NACAD: variants seen among roughly 807,000 people sequenced by gnomAD.
NACAD encodes NAC-alpha domain-containing protein 1.
NACAD carries 47 observed loss-of-function variants against 98.9 expected under a neutral mutation model. That is an observed-to-expected ratio of 0.48 (90% confidence interval 0.38 to 0.61). The LOEUF (loss-of-function observed/expected upper bound fraction) is 0.61, where lower values mean the gene tolerates loss of function less well. NACAD is among the 20% of genes least tolerant of loss of function. NACAD has a pLI of 0.00. For missense variants in NACAD, 1,412 were observed against 1,748.2 expected (o/e 0.81, Z 3.43); for synonymous variants, 696 against 767.2 (o/e 0.91, Z 1.53).
rs953075906 is a variant in NACAD at position 45,082,163 on chromosome 7, G to A, written c.4017C>T (p.Gly1339=). The part of the protein sequence containing the change: ...PPPSGPQSPA[G]PQGLSAPEQQ... ...GCTCGGGGGCTGAGAGCCCTTGAGGGCCAGCTGGGCTCTGGGGCCCAGAGG... is the reference window on the plus strand; with the variant it reads ...GCTCGGGGGCTGAGAGCCCTTGAGGACCAGCTGGGCTCTGGGGCCCAGAGG... Residue 1339 remains glycine (G), a synonymous_variant, in exon 2 of 8, where the codon GGC becomes GGT. Coordinates refer to ENST00000490531, the MANE Select transcript of NACAD (RefSeq NM_001146334.2). This position sits in a 1 kb window ranked among gnomAD's most constrained non-coding sequence, Gnocchi z 4.5. 9 of 1,503,992 alleles carry A rather than the reference G, an allele frequency of 6.0e-6. No individual in the cohort carries two copies. The highest frequency in any genetic ancestry group is 5.6e-5 in the African/African-American group (4 of 71,576). The allele number at this position is 1,503,992 out of a possible 1,614,324, so 93.2% of individuals were successfully genotyped here.
chr7:45,082,388 G>A lies in NACAD; in HGVS notation c.3792C>T (p.Pro1264=). ...PQEDSVEDEE[P]PGSLGLPPPQ... ...GCGGTGGGAGGCCCAGAGAGCCTGG[G>A]GGCTCCTCGTCTTCCACAGAGTCTT... is the stretch of plus-strand genomic sequence containing the variant. Residue 1264 remains proline, a synonymous_variant, in exon 2 of 8, where the codon CCC becomes CCT. Transcript: ENST00000490531. The surrounding 1 kb of genome is among the most constrained non-coding windows in gnomAD (Gnocchi z 4.5). 1.9e-6 allele frequency: 3 copies of A among 1,549,878 alleles called. No individual in the cohort carries two copies. Among genetic ancestry groups the A allele is most frequent in the Non-Finnish European group, 2.6e-6 (3 of 1,146,822 alleles).
rs1243667980 is a variant in NACAD at position 45,080,650 on chromosome 7, T to C, written c.4664A>G (p.Asn1555Ser). The stretch of plus-strand genomic sequence containing the variant: ...CCAGTGCTCACTCACCATGATGGCG[T>C]TGACGATGTCACTGTGGTTGTCTCT... The part of the protein sequence containing the change: ...ALRDNHSDIV[N>S]AIMELTM The change falls in exon 7 of 8, where the codon AAC becomes AGC. Residue 1555 changes from asparagine to serine, a missense_variant. Physicochemically the swap from Asn to Ser is conservative, Grantham distance 46 (BLOSUM62 1). Transcript: ENST00000490531. The C allele has an allele frequency of 8.4e-6, 13 of 1,551,208 alleles. No homozygotes were observed. Among genetic ancestry groups the C allele is most frequent in the Non-Finnish European group, 4.4e-6 (5 of 1,146,918 alleles).
At position 45,088,939 on chromosome 7, in the gene NACAD, C is replaced by T; in HGVS notation, c.-45G>A. The T allele has an allele frequency of 7.7e-7, 1 of 1,290,352 alleles. No homozygotes were observed. Among genetic ancestry groups the T allele is most frequent in the Non-Finnish European group, 9.8e-7 (1 of 1,018,390 alleles). 79.9% of individuals were successfully genotyped at this position (1,290,352 alleles called of 1,614,324 possible). On this transcript the variant is annotated 5_prime_UTR_variant, in exon 1 of 8. Transcript: ENST00000490531. The surrounding 1 kb of genome is among the most constrained non-coding windows in gnomAD (Gnocchi z 5.7). Reference sequence around the variant, plus strand: ...CCGTCCCTCAGTCCTTCCGACCCTCCGTCAGTCCGTGCCGCCGCCCCGCCG... The same window carrying T: ...CCGTCCCTCAGTCCTTCCGACCCTCTGTCAGTCCGTGCCGCCGCCCCGCCG...
In NACAD at chr7:45,085,154, G is replaced by C; in HGVS notation, c.1026C>G (p.Pro342=). Residue 342 remains proline, a synonymous_variant, in exon 2 of 8, where the codon CCC becomes CCG. Transcript: ENST00000490531. The surrounding 1 kb of genome is among the most constrained non-coding windows in gnomAD (Gnocchi z 6.1). ...EEEEEEAVAD[P]DPGGDLAGEG... is the part of the protein sequence containing the mutation. ...CCCCAGCCAGGTCCCCACCTGGGTC[G>C]GGATCCGCCACAGCCTCCTCTTCTT... The C allele has an allele frequency of 1.3e-6, 2 of 1,550,588 alleles. No individual in the cohort carries two copies. The highest frequency in any genetic ancestry group is 1.2e-5 in the South Asian group (1 of 83,968).
intron 1 of NACAD, among the ~76,000 whole-genome samples, chr7:45,087,282 A>G (rs1406763497): frequency 5.9e-5 from 9 of 152,192 alleles, no homozygotes; most frequent in East Asian, 1.9e-4. Context: ...TTTTCACCCA[A>G]CCTAATCTCA....
chr7:45,083,369 T>C lies in NACAD; in HGVS notation c.2811A>G (p.Pro937=). ...PLQDTGPTSG[P]EPLAVATPQT... ...GAGGGGTGGCCACAGCCAGAGGCTC[T>C]GGACCTGAGGTGGGGCCTGTGTCTT... The change falls in exon 2 of 8, where the codon CCA becomes CCG. Residue 937 remains proline, a synonymous_variant. Transcript: ENST00000490531. The C allele has an allele frequency of 6.4e-7, 1 of 1,551,436 alleles. No homozygotes were observed. Among genetic ancestry groups the C allele is most frequent in the Non-Finnish European group, 8.7e-7 (1 of 1,147,030 alleles).
Position 45,085,740 on chromosome 7 carries a change from G to A in NACAD, c.440C>T (p.Ala147Val), listed in dbSNP as rs991449232. Residue 147 changes from alanine to valine, a missense_variant, in exon 2 of 8, where the codon GCA becomes GTA. By Grantham distance (64) the Ala-to-Val change is moderately conservative. Transcript: ENST00000490531. This position sits in a 1 kb window ranked among gnomAD's most constrained non-coding sequence, Gnocchi z 6.1. ...CAGCTCGGGGGGTGGGTCTGGGCTTGCGTGCCCACCCTCCTGGTCCCTGAG... is the reference window on the plus strand; with the variant it reads ...CAGCTCGGGGGGTGGGTCTGGGCTTACGTGCCCACCCTCCTGGTCCCTGAG... ...TALRDQEGGH[A>V]SPDPPPELCS... The A allele has an allele frequency of 1.3e-6, 2 of 1,549,834 alleles. No homozygotes were observed. The highest frequency in any genetic ancestry group is 1.7e-6 in the Non-Finnish European group (2 of 1,146,842).
Position 45,087,441 on chromosome 7 carries a change from A to G in NACAD, c.68-1329T>C, listed in dbSNP as rs533654357. On this transcript the variant is annotated intron_variant, in intron 1 of 7. Transcript: ENST00000490531. ...TCAGAGCCCAGGCCAGGTCTTGCCC[A>G]AGGTGGGGGAGCGGCGGCACACAGG... is the stretch of plus-strand genomic sequence containing the variant. Among the ~76,000 whole-genome samples, 10 of 152,344 alleles carry G rather than the reference A, an allele frequency of 6.6e-5. No individual in the cohort carries two copies. The East Asian group carries it at 1.7e-3, about 26-fold the overall frequency.
Position 45,084,275 on chromosome 7 carries a change from G to C in NACAD, c.1905C>G (p.Thr635=). The C allele has an allele frequency of 1.5e-6, 2 of 1,370,356 alleles. No individual in the cohort carries two copies. Among genetic ancestry groups the C allele is most frequent in the Non-Finnish European group, 1.9e-6 (2 of 1,049,850 alleles). The allele number at this position is 1,370,356 out of a possible 1,614,324, so 84.9% of individuals were successfully genotyped here. A position where few individuals can be genotyped will look rare whatever the true frequency, so the allele number is the denominator to read the frequency against. Residue 635 remains threonine (T), a synonymous_variant, in exon 2 of 8, where the codon ACC becomes ACG. Transcript: ENST00000490531. Reference sequence around the variant, plus strand: ...GTGTCATAACGGAGTCCTGGGGTAAGGTGAGGCCCTCTTCAGCCTGCTGGG... The same window carrying C: ...GTGTCATAACGGAGTCCTGGGGTAACGTGAGGCCCTCTTCAGCCTGCTGGG... The part of the protein sequence containing the change: ...IVSQQAEEGL[T]LPQDSVMTPP...
In NACAD at chr7:45,088,902, C is replaced by G; in HGVS notation, c.-8G>C. On this transcript the variant is annotated 5_prime_UTR_variant, in exon 1 of 8. Transcript: ENST00000490531. The surrounding 1 kb of genome is among the most constrained non-coding windows in gnomAD (Gnocchi z 5.7). ...GGCAGCCTCCCCAGGCATGGCCTGG[C>G]CGTGCGCCCGCCCGTCCCTCAGTCC... The G allele has an allele frequency of 7.0e-7, 1 of 1,420,644 alleles. No homozygotes were observed. The allele number at this position is 1,420,644 out of a possible 1,614,324, so 88.0% of individuals were successfully genotyped here.
Position 45,082,897 on chromosome 7 carries a change from A to G in NACAD, c.3283T>C (p.Ser1095Pro). The change falls in exon 2 of 8, where the codon TCA becomes CCA. Residue 1095 changes from serine (S) to proline (P), a missense_variant. Transcript: ENST00000490531. This position sits in a 1 kb window ranked among gnomAD's most constrained non-coding sequence, Gnocchi z 4.5. Reference sequence around the variant, plus strand: ...ACCTCCCTTGCACCTCCAAGTGCTGACCTGGGTCCATGTTCCTGTGCCAGT... The same window carrying G: ...ACCTCCCTTGCACCTCCAAGTGCTGGCCTGGGTCCATGTTCCTGTGCCAGT... ...KPLAQEHGPR[S>P]ALGGAREVPD... is the part of the protein sequence containing the mutation. 1.9e-6 allele frequency: 3 copies of G among 1,550,964 alleles called. No individual in the cohort carries two copies. Among genetic ancestry groups the G allele is most frequent in the Non-Finnish European group, 2.6e-6 (3 of 1,146,980 alleles).
At chr7:45,086,375 G>A (rs1276364707) in intron 1 of NACAD, among the ~76,000 whole-genome samples, 3 of 152,130 alleles carry the variant, frequency 2.0e-5, no homozygotes, top group South Asian at 4.1e-4. Flanking sequence ...CCTGTCTGGC[G>A]GCTTTTCTCA....
Position 45,082,223 on chromosome 7 carries a change from G to A in NACAD, c.3957C>T (p.Ala1319=). The A allele has an allele frequency of 6.5e-7, 1 of 1,545,104 alleles. No individual in the cohort carries two copies. The highest frequency in any genetic ancestry group is 8.7e-7 in the Non-Finnish European group (1 of 1,143,394). ...CTTGGCAAGGCGGCAAGATCTGCAA[G>A]GCCAGGTCTTTGGCATCCATGGAGG... ...KVASMDAKDL[A]LQILPPCQVP... is the part of the protein sequence containing the mutation. The change falls in exon 2 of 8, where the codon GCC becomes GCT. Residue 1319 remains alanine (A), a synonymous_variant. Coordinates refer to ENST00000490531, the MANE Select transcript of NACAD (RefSeq NM_001146334.2). The surrounding 1 kb of genome is among the most constrained non-coding windows in gnomAD (Gnocchi z 4.5).
rs1218743838 is a variant in NACAD at position 45,088,915 on chromosome 7, C to G, written c.-21G>C. 9.3e-6 allele frequency: 13 copies of G among 1,395,846 alleles called. No homozygotes were observed. The highest frequency in any genetic ancestry group is 2.6e-4 in the Middle Eastern group (1 of 3,894). 86.5% of individuals were successfully genotyped at this position (1,395,846 alleles called of 1,614,324 possible). On this transcript the variant is annotated 5_prime_UTR_variant, in exon 1 of 8. Transcript: ENST00000490531. The surrounding 1 kb of genome is among the most constrained non-coding windows in gnomAD (Gnocchi z 5.7). The stretch of plus-strand genomic sequence containing the variant: ...GGCATGGCCTGGCCGTGCGCCCGCC[C>G]GTCCCTCAGTCCTTCCGACCCTCCG...
Position 45,088,775 on chromosome 7 carries a change from C to A in NACAD, c.67+53G>T. ...AAAGGTGAGCGATGGAAAGAGAACC[C>A]GGGCTGGAGAGGGGAGAGGCTGAAG... On this transcript the variant is annotated intron_variant, in intron 1 of 7. Transcript: ENST00000490531. The surrounding 1 kb of genome is among the most constrained non-coding windows in gnomAD (Gnocchi z 5.7). 1 of 1,410,532 alleles carries A rather than the reference C, an allele frequency of 7.1e-7. No individual in the cohort carries two copies. The highest frequency in any genetic ancestry group is 1.4e-5 in the South Asian group (1 of 71,610). 87.4% of individuals were successfully genotyped at this position (1,410,532 alleles called of 1,614,324 possible).
rs1784475718 is a variant in NACAD, at chr7:45,084,297, T to TTG, written c.1882_1883insCA (p.Gln628ProfsTer16). The TTG allele has an allele frequency of 7.3e-7, 1 of 1,375,518 alleles. No homozygotes were observed. The highest frequency in any genetic ancestry group is 9.5e-7 in the Non-Finnish European group (1 of 1,049,096). The allele number at this position is 1,375,518 out of a possible 1,614,324, so 85.2% of individuals were successfully genotyped here. A position where few individuals can be genotyped will look rare whatever the true frequency, so the allele number is the denominator to read the frequency against. On this transcript the variant is annotated frameshift_variant, in exon 2 of 8. Transcript: ENST00000490531. LOFTEE classifies it high-confidence loss of function. ...TAAGGTGAGGCCCTCTTCAGCCTGCTGGGACACAATCGTGGCTGCAGCCAC... is the reference window on the plus strand; with the variant it reads ...TAAGGTGAGGCCCTCTTCAGCCTGCTTGGGGACACAATCGTGGCTGCAGCCAC...
chr7:45,083,341 T>C lies in NACAD; in HGVS notation c.2839A>G (p.Thr947Ala). 2 of 1,551,158 alleles carry C rather than the reference T, an allele frequency of 1.3e-6. No homozygotes were observed. Among genetic ancestry groups the C allele is most frequent in the Non-Finnish European group, 1.7e-6 (2 of 1,146,974 alleles). ...GCACAGCCTGCTTCTGCCTGCAAGG[T>C]TTGAGGGGTGGCCACAGCCAGAGGC... ...PEPLAVATPQ[T>A]LQAEAGCAPG... The change falls in exon 2 of 8, where the codon ACC (threonine) becomes GCC (alanine). Residue 947 changes from threonine to alanine, a missense_variant. Transcript: ENST00000490531.
Position 45,081,809 on chromosome 7 carries a change from G to A in NACAD, c.4131C>T (p.Ala1377=), listed in dbSNP as rs188442654. ...CCAAGATGTCCTGCTCGTCCAGCTC[G>A]GCTGATGACTCCCCGTGGCTATCCG... is the stretch of plus-strand genomic sequence containing the variant. ...QHSDSHGESS[A]ELDEQDILAP... Residue 1377 remains alanine (A), a synonymous_variant, in exon 3 of 8, where the codon GCC becomes GCT. Coordinates refer to ENST00000490531, the MANE Select transcript of NACAD (RefSeq NM_001146334.2). 1.3e-4 allele frequency: 202 copies of A among 1,550,386 alleles called. No homozygotes were observed. Among genetic ancestry groups the A allele is most frequent in the East Asian group, 2.7e-4 (11 of 40,918 alleles).
rs1436763325 is a variant in NACAD at position 45,081,012 on chromosome 7, A to C, written c.4415T>G (p.Leu1472Arg). Residue 1472 changes from leucine to arginine, a missense_variant, in exon 6 of 8, where the codon CTG becomes CGG. Coordinates refer to ENST00000490531, the MANE Select transcript of NACAD (RefSeq NM_001146334.2). The stretch of plus-strand genomic sequence containing the variant: ...TGCGGCTTTGTGCACTTGCTGGGAC[A>C]GGTCCTCAATCTGCAAAATGGAAGA... ...VVFGEAKIEDLSQQVHKAAAE... is the reference protein window; with the variant it reads ...VVFGEAKIEDRSQQVHKAAAE... The C allele has an allele frequency of 6.4e-7, 1 of 1,551,710 alleles. No homozygotes were observed. Among genetic ancestry groups the C allele is most frequent in the Non-Finnish European group, 8.7e-7 (1 of 1,146,962 alleles).
Sources: allele counts gnomAD v4.1 joint callset (sites outside exome capture counted in the v4.1 genomes callset), GRCh38; gene constraint gnomAD v4.1.1; non-coding constraint Gnocchi (gnomAD v3.1); transcripts MANE v1.5; gene names NCBI Gene and HGNC (gene_info 2026-07-23, HGNC 2026-07-21).